The following GPHN variants were observed in gnomAD, a reference collection of about 807,000 sequenced individuals.
The protein encoded by GPHN is gephyrin.
In GPHN, 17 loss-of-function variants were observed where a neutral mutation model predicts 95.5. The observed-to-expected ratio is 0.18, with a 90% CI of 0.12 to 0.27. GPHN has a LOEUF of 0.27. Among genes scored for constraint, GPHN ranks in the 10% least tolerant of loss-of-function variants. The pLI, the probability that GPHN is intolerant of heterozygous loss-of-function variation, is 1.00. For synonymous variants in GPHN, 320 were observed against 322.5 expected (o/e 0.99, Z 0.08); for missense variants, 660 against 978.1 (o/e 0.67, Z 4.34).
the GPHN span, among the ~76,000 whole-genome samples, chr14:67,305,374 G>A: frequency 6.6e-6 from 1 of 152,076 alleles, no homozygotes; most frequent in East Asian, 1.9e-4. Context: ...TGACTGCCTG[G>A]GCTCAAGCAG....
the GPHN span, among the ~76,000 whole-genome samples, chr14:67,351,773 G>A: frequency 2.0e-5 from 3 of 151,482 alleles, no homozygotes; most frequent in Non-Finnish European, 2.9e-5. Flanking sequence ...CTCCCACCTC[G>A]GCCTCCCAAA....
the GPHN span, among the ~76,000 whole-genome samples, chr14:67,290,522 C>T: frequency 6.6e-6 from 1 of 152,150 alleles, no homozygotes; most frequent in Admixed American, 6.5e-5. Context: ...GGGACTAAGG[C>T]ACATGCCACA....
chr14:66,716,993 C>T (rs973026836), intron 2 of GPHN, among the ~76,000 whole-genome samples: 1 of 152,176 alleles, frequency 6.6e-6, no homozygotes, highest in Non-Finnish European at 1.5e-5. Flanking sequence ...TATGCCTAGG[C>T]GATGATCTTT....
chr14:67,128,807 C>T (rs544617904), intron 17 of GPHN, among the ~76,000 whole-genome samples: 17 of 150,370 alleles, frequency 1.1e-4, no homozygotes, highest in African/African-American at 3.2e-4. Flanking sequence ...TGGCGGTGGG[C>T]GCTTCTAATT....
intron 3 of GPHN, among the ~76,000 whole-genome samples, chr14:66,793,558 CAT>C (rs1007525342): frequency 9.9e-5 from 15 of 152,038 alleles, no homozygotes; most frequent in African/African-American, 3.6e-4. Context: ...TGAGTGTGTG[CAT>C]ATGTCTGTAT....
chr14:67,523,253 G>A, the GPHN span, among the ~76,000 whole-genome samples: 1 of 151,782 alleles, frequency 6.6e-6, no homozygotes, highest in Admixed American at 6.6e-5. Flanking sequence ...GAATCCAGGA[G>A]GCTGAGGTTG....
At chr14:67,728,553 G>C in the GPHN span, among the ~76,000 whole-genome samples, 3 of 152,088 alleles carry the variant, frequency 2.0e-5, no homozygotes, top group Non-Finnish European at 4.4e-5. Context: ...CTGTGACTTA[G>C]TTTTCTTTGT....
intron 1 of GPHN, among the ~76,000 whole-genome samples, chr14:66,535,698 G>A (rs2059119828): frequency 6.6e-6 from 1 of 152,066 alleles, no homozygotes; most frequent in Non-Finnish European, 1.5e-5. Context: ...GTTATGGCTA[G>A]CTATTTTAAT....
the GPHN span, chr14:67,659,589 G>A: frequency 3.8e-6 from 3 of 798,348 alleles, no homozygotes; most frequent in Non-Finnish European, 5.5e-6. Flanking sequence ...GGAACTGGAT[G>A]CAGAAAAGAG....
the GPHN span, among the ~76,000 whole-genome samples, chr14:67,341,328 G>A: frequency 1.3e-4 from 19 of 144,856 alleles, no homozygotes; most frequent in African/African-American, 2.3e-4. Context: ...CGGCCACCCC[G>A]TCTGAGAAGT....
chr14:67,359,732 C>G, the GPHN span: 1 of 1,613,432 alleles, frequency 6.2e-7, no homozygotes, highest in Non-Finnish European at 8.5e-7. Flanking sequence ...GGTCCCCGGC[C>G]GGGCAACCGA....
the GPHN span, chr14:67,691,200 T>C: frequency 3.1e-6 from 5 of 1,614,060 alleles, no homozygotes; most frequent in Non-Finnish European, 4.2e-6. Flanking sequence ...TACGGACACA[T>C]CATCACTCCT....
At chr14:66,698,817 G>A (rs2068298323) in intron 2 of GPHN, among the ~76,000 whole-genome samples, 1 of 152,158 alleles carries the variant, frequency 6.6e-6, no homozygotes, top group South Asian at 2.1e-4. Context: ...GAACCTGCAT[G>A]TATACAAAAC....
chr14:66,944,308 A>C (rs957543502), intron 8 of GPHN, among the ~76,000 whole-genome samples: 6 of 152,224 alleles, frequency 3.9e-5, no homozygotes, highest in Admixed American at 3.9e-4. Context: ...ACAAATATCA[A>C]ACTGGAAAGG....
chr14:66,883,254 T>C (rs2064018822), intron 5 of GPHN, among the ~76,000 whole-genome samples: 1 of 151,972 alleles, frequency 6.6e-6, no homozygotes, highest in Non-Finnish European at 1.5e-5. Flanking sequence ...ATGATCTATC[T>C]TCAAATTAGC....
At chr14:67,467,150 G>A in the GPHN span, 1 of 152,158 alleles carries the variant, frequency 6.6e-6, no homozygotes, top group Non-Finnish European at 1.5e-5. Context: ...TTCTTTTCTG[G>A]AGGATTGGTC....
the GPHN span, chr14:67,302,481 A>T: frequency 6.3e-7 from 1 of 1,599,854 alleles, no homozygotes; most frequent in African/African-American, 1.3e-5. Context: ...CTGCAGAGAA[A>T]AGTGGTCTGT....
chr14:66,778,324 C>G (rs2059463091), intron 3 of GPHN, among the ~76,000 whole-genome samples: 1 of 152,136 alleles, frequency 6.6e-6, no homozygotes, highest in Non-Finnish European at 1.5e-5. Flanking sequence ...GAAATAGTAA[C>G]AGTCTTTTAG....
At chr14:67,190,428 G>T in the GPHN span, among the ~76,000 whole-genome samples, 2 of 151,692 alleles carry the variant, frequency 1.3e-5, no homozygotes, top group African/African-American at 4.8e-5. Flanking sequence ...TTCGCCATTT[G>T]GCCAGGCTGG....
Sources: gnomAD v4.1 joint callset for allele counts (sites outside exome capture counted in the v4.1 genomes callset) on GRCh38, gnomAD v4.1.1 for gene constraint, MANE v1.5 for transcripts, NCBI Gene and HGNC (gene_info 2026-07-23, HGNC 2026-07-21) for gene names.